Variants in PLEKHA8 observed in about 807,000 individuals in gnomAD.
PLEKHA8 encodes pleckstrin homology domain-containing family A member 8.
Under a neutral mutation model 68.2 loss-of-function variants are expected in PLEKHA8, and 36 were observed. The observed-to-expected ratio is 0.53, with a 90% confidence interval of 0.40 to 0.70. PLEKHA8 has a LOEUF of 0.70. Among genes scored for constraint, PLEKHA8 ranks in the 30% least tolerant of loss-of-function variants. PLEKHA8 has a pLI of 0.00. For missense variants in PLEKHA8, 505 were observed against 615.4 expected, an observed-to-expected ratio of 0.82 and a Z score of 1.90; for synonymous variants, 211 against 216.1, an observed-to-expected ratio of 0.98 and a Z score of 0.20.
chr7:30,064,799 T>C lies in PLEKHA8; in HGVS notation c.1300+2057T>C, dbSNP rs1001916125. On this transcript the variant is annotated intron_variant, in intron 12 of 13. Coordinates refer to ENST00000449726, the MANE Select transcript of PLEKHA8 (RefSeq NM_001197026.2). The stretch of plus-strand genomic sequence containing the variant: ...GCTAGCAGAAAGACTTCTCCACCTG[T>C]TGGAAATGCAGAAGATACAGGGTTT... 5.3e-5 allele frequency among the ~76,000 whole-genome samples: 8 copies of C among 152,336 alleles called. No individual in the cohort carries two copies. In the East Asian group the frequency reaches 1.5e-3, roughly 29 times the overall value.
At chr7:30,078,516 C>A in intron 13 of PLEKHA8, 74 bp from the exon 14 acceptor site, 1 of 1,457,008 alleles carries the variant, frequency 6.9e-7, no homozygotes, top group Non-Finnish European at 9.6e-7. Context: ...TGTGTGTGTG[C>A]ATGTGCACAT....
At position 30,081,865 on chromosome 7, in the gene PLEKHA8, G is replaced by T; in HGVS notation, c.*3078G>T. The T allele has an allele frequency of 1.0e-6, 1 of 985,350 alleles. No homozygotes were observed. The highest frequency in any genetic ancestry group is 1.2e-6 in the Non-Finnish European group (1 of 829,860). 61.0% of individuals were successfully genotyped at this position (985,350 alleles called of 1,614,324 possible). ...GTGTTTACACTTTGTAGGGATCAGG[G>T]TGTATTTGTTGAATTAAACAAAATA... On this transcript the variant is annotated 3_prime_UTR_variant, in exon 14 of 14. Transcript: ENST00000449726.
chr7:30,050,480 G>A lies in PLEKHA8; in HGVS notation c.638+6G>A. 1 of 1,557,726 alleles carries A rather than the reference G, an allele frequency of 6.4e-7. No individual in the cohort carries two copies. The highest frequency in any genetic ancestry group is 8.6e-7 in the Non-Finnish European group (1 of 1,157,306). ...ATTCATAATTCATTGGAAAGGTACA[G>A]TAGCTTTTTTCTTCTTGCTAAAAAT... is the stretch of plus-strand genomic sequence containing the variant. On this transcript the variant is annotated splice_donor_region_variant and intron_variant, in intron 6 of 13. Coordinates refer to ENST00000449726, the MANE Select transcript of PLEKHA8 (RefSeq NM_001197026.2).
At chr7:30,074,210 C>T (rs1794458469) in intron 13 of PLEKHA8, 78 bp downstream of exon 13, 1 of 1,297,170 alleles carries the variant, frequency 7.7e-7, no homozygotes, top group Non-Finnish European at 1.1e-6. Flanking sequence ...TCTTCTTACC[C>T]AGTTATTTAT....
intron 9 of PLEKHA8, among the ~76,000 whole-genome samples, chr7:30,056,901 T>G (rs1227286929): frequency 1.4e-5 from 2 of 147,124 alleles, no homozygotes; most frequent in Non-Finnish European, 3.0e-5. Flanking sequence ...GTAATTTATA[T>G]CTAACAAATA....
downstream of PLEKHA8, among the ~76,000 whole-genome samples, chr7:30,092,894 C>T (rs565467198): frequency 3.3e-5 from 5 of 152,314 alleles, 1 homozygote; most frequent in South Asian, 8.3e-4. Flanking sequence ...TCAAGTCATG[C>T]CTGGGGCCAC....
downstream of PLEKHA8, among the ~76,000 whole-genome samples, chr7:30,088,421 C>A (rs535618952): frequency 1.1e-4 from 17 of 152,254 alleles, no homozygotes; most frequent in African/African-American, 4.1e-4. Flanking sequence ...CTGGGCATCT[C>A]CCAGACCACT....
At chr7:30,048,170 T>A (rs1299131896) in intron 4 of PLEKHA8, among the ~76,000 whole-genome samples, 1 of 152,128 alleles carries the variant, frequency 6.6e-6, no homozygotes, top group East Asian at 1.9e-4. Flanking sequence ...GTAACAAAAT[T>A]AAACAAAGAG....
intron 4 of PLEKHA8, among the ~76,000 whole-genome samples, chr7:30,048,712 C>G (rs1219174575): frequency 6.6e-6 from 1 of 152,152 alleles, no homozygotes; most frequent in Non-Finnish European, 1.5e-5. Context: ...TAGAAGAACA[C>G]TATGCTACTG....
At chr7:30,096,271 T>A (rs983396032) in intron 13 of PLEKHA8, among the ~76,000 whole-genome samples, 3 of 152,236 alleles carry the variant, frequency 2.0e-5, no homozygotes, top group Admixed American at 2.0e-4. Flanking sequence ...CTAGGTATTT[T>A]ATTCTCTTTG....
In PLEKHA8 at chr7:30,079,108, G is replaced by A; in HGVS notation, c.*321G>A. 9.6e-7 allele frequency: 1 copy of A among 1,043,192 alleles called. No individual in the cohort carries two copies. Among genetic ancestry groups the A allele is most frequent in the Non-Finnish European group, 1.2e-6 (1 of 866,850 alleles). The allele number at this position is 1,043,192 out of a possible 1,614,324, so 64.6% of individuals were successfully genotyped here. ...TGTATTGTATTGTTTTTATATTTTA[G>A]TCTAATGGGCCACCCAAACCCAAGC... On this transcript the variant is annotated 3_prime_UTR_variant, in exon 14 of 14. Transcript: ENST00000449726.
intron 13 of PLEKHA8, among the ~76,000 whole-genome samples, chr7:30,124,818 T>G (rs956610942): frequency 2.6e-5 from 4 of 152,138 alleles, no homozygotes; most frequent in Non-Finnish European, 5.9e-5. Context: ...CTCAAATAAG[T>G]AATAAAGTAT....
At chr7:30,029,724 C>T (rs1790511588) in intron 1 of PLEKHA8, among the ~76,000 whole-genome samples, 1 of 152,152 alleles carries the variant, frequency 6.6e-6, no homozygotes, top group Non-Finnish European at 1.5e-5. Context: ...TTCCCAGTAT[C>T]CCTTAGAGTG....
In PLEKHA8 at chr7:30,083,596, A is replaced by T. The variant is rs1031184470; in HGVS notation, c.*4809A>T. ...CCTCTCTGGTACAGTTGATGCATGC[A>T]TTGATCTTTCTTCTCTGCTGTTTTT... On this transcript the variant is annotated 3_prime_UTR_variant, in exon 14 of 14. Transcript: ENST00000449726. 1 of 985,430 alleles carries T rather than the reference A, an allele frequency of 1.0e-6. No individual in the cohort carries two copies. Among genetic ancestry groups the T allele is most frequent in the Non-Finnish European group, 1.2e-6 (1 of 829,932 alleles). 61.0% of individuals were successfully genotyped at this position (985,430 alleles called of 1,614,324 possible).
intron 12 of PLEKHA8, chr7:30,090,063 A>G: frequency 7.5e-7 from 1 of 1,328,658 alleles, no homozygotes; most frequent in Non-Finnish European, 1.0e-6. Context: ...ATAAAAAGGA[A>G]CTAAAAAAGT....
intron 1 of PLEKHA8, among the ~76,000 whole-genome samples, chr7:30,038,458 G>A (rs1791273654): frequency 6.6e-6 from 1 of 152,134 alleles, no homozygotes; most frequent in Non-Finnish European, 1.5e-5. Flanking sequence ...AGAAAATTGG[G>A]AAATATTTTG....
In PLEKHA8 at chr7:30,123,030, C is replaced by A. The variant is rs77754116; in HGVS notation, c.1363-6236C>A. On this transcript the variant is annotated intron_variant, in intron 13 of 13. Transcript: ENST00000396257. ...TACAAAGGTCTCCTGACTTTCCCCC[C>A]CCTAAGCTAGCTTGAATGAGTTCCT... 8.5e-3 allele frequency among the ~76,000 whole-genome samples: 1,296 copies of A among 152,218 alleles called. 22 individuals carry two copies. The highest frequency in any genetic ancestry group is 0.03 in the African/African-American group (1,246 of 41,520).
In PLEKHA8 at chr7:30,054,791, A is replaced by C. The variant is rs1447652687; in HGVS notation, c.879A>C (p.Ser293=). Reference sequence around the variant, plus strand: ...ACTTGACTCAGTCTGGATCAGACTCAAGTTGCTCTCCGGAATGCCTCTGGG... The same window carrying C: ...ACTTGACTCAGTCTGGATCAGACTCCAGTTGCTCTCCGGAATGCCTCTGGG... ...DNNLTQSGSD[S]SCSPECLWEE... is the part of the protein sequence containing the mutation. Residue 293 remains serine, a synonymous_variant, in exon 8 of 14, where the codon TCA becomes TCC. Transcript: ENST00000449726. 6.2e-7 allele frequency: 1 copy of C among 1,611,922 alleles called. No individual in the cohort carries two copies. Among genetic ancestry groups the C allele is most frequent in the African/African-American group, 1.3e-5 (1 of 74,990 alleles).
intron 13 of PLEKHA8, among the ~76,000 whole-genome samples, chr7:30,074,461 C>A (rs1459141204): frequency 6.6e-6 from 1 of 152,094 alleles, no homozygotes; most frequent in Non-Finnish European, 1.5e-5. Flanking sequence ...ATTACTCTAG[C>A]CAATTCCAAT....
Sources: allele counts gnomAD v4.1 joint callset (sites outside exome capture counted in the v4.1 genomes callset), GRCh38; gene constraint gnomAD v4.1.1; transcripts MANE v1.5; gene names NCBI Gene and HGNC (gene_info 2026-07-23, HGNC 2026-07-21).